Variants in MLIP observed in about 807,000 individuals in gnomAD.
MLIP encodes muscular LMNA interacting protein.
MLIP carries 79 observed loss-of-function variants against 84.8 expected under a neutral mutation model. The observed-to-expected ratio is 0.93, with a 90% CI of 0.78 to 1.12. MLIP has a LOEUF of 1.12. MLIP is among the 50% of genes most tolerant of loss of function. The probability of loss-of-function intolerance (pLI) is 0.00; values close to 1 mark genes in which losing one functional copy is unlikely to be tolerated. For synonymous variants in MLIP, 504 were observed against 463.0 expected (o/e 1.09, Z -1.14); for missense variants, 1,257 against 1,160.6 (o/e 1.08, Z -1.21).
intron 11 of MLIP, among the ~76,000 whole-genome samples, chr6:54,202,513 T>G (rs1156613130): frequency 1.3e-5 from 2 of 151,808 alleles, no homozygotes; most frequent in African/African-American, 4.8e-5. Context: ...TGGTATTGTT[T>G]TGGAGACCAA....
chr6:54,072,439 G>A (rs1766544115), intron 1 of MLIP, among the ~76,000 whole-genome samples: 1 of 152,108 alleles, frequency 6.6e-6, no homozygotes, highest in Non-Finnish European at 1.5e-5. Flanking sequence ...ACTGGGCAGT[G>A]GGCATACAAA....
intron 1 of MLIP, among the ~76,000 whole-genome samples, chr6:54,089,193 A>G (rs980284281): frequency 3.9e-5 from 6 of 152,206 alleles, no homozygotes; most frequent in Non-Finnish European, 8.8e-5. Flanking sequence ...ATTTGTAGAC[A>G]TTCTCTACAT....
chr6:54,192,460 A>T (rs1039037498), intron 10 of MLIP, among the ~76,000 whole-genome samples: 2 of 152,024 alleles, frequency 1.3e-5, no homozygotes, highest in African/African-American at 4.8e-5. Flanking sequence ...GTACTTCACT[A>T]AGGAATTAGA....
chr6:54,202,290 AT>A (rs67016420), intron 11 of MLIP, 57 bp downstream of exon 11: 788,051 of 863,090 alleles, frequency 0.91, 362,783 homozygotes, highest in Non-Finnish European at 0.95. Context: ...TATATATAAA[AT>A]ATATATAAAT....
At chr6:54,078,458 A>G (rs1033429386) in intron 1 of MLIP, among the ~76,000 whole-genome samples, 4 of 152,098 alleles carry the variant, frequency 2.6e-5, no homozygotes, top group Non-Finnish European at 5.9e-5. Flanking sequence ...GTTGTGCACA[A>G]CTGCGGTCCC....
At chr6:54,034,529 G>T (rs1764317142) in intron 1 of MLIP, among the ~76,000 whole-genome samples, 1 of 152,004 alleles carries the variant, frequency 6.6e-6, no homozygotes, top group African/African-American at 2.4e-5. Context: ...TTTTCACTTA[G>T]TTTATAATAA....
intron 1 of MLIP, among the ~76,000 whole-genome samples, chr6:54,082,688 G>A (rs1767239740): frequency 1.3e-5 from 2 of 152,164 alleles, no homozygotes; most frequent in South Asian, 4.1e-4. Context: ...AATTTGGTGG[G>A]TAGAAAATCA....
At chr6:54,054,797 A>T (rs1204072298) in intron 1 of MLIP, among the ~76,000 whole-genome samples, 4 of 152,018 alleles carry the variant, frequency 2.6e-5, no homozygotes, top group African/African-American at 9.7e-5. Flanking sequence ...ACCCTTTCCT[A>T]CCCATTTTCT....
chr6:54,081,152 C>A (rs1455842388), intron 1 of MLIP, among the ~76,000 whole-genome samples: 1 of 152,152 alleles, frequency 6.6e-6, no homozygotes, highest in Non-Finnish European at 1.5e-5. Context: ...TCATTCTGCA[C>A]CCCTCTTGTT....
intron 1 of MLIP, among the ~76,000 whole-genome samples, chr6:54,071,627 T>C (rs896299004): frequency 1.3e-5 from 2 of 152,186 alleles, no homozygotes; most frequent in African/African-American, 2.4e-5. Flanking sequence ...TCAAAGAAGT[T>C]TCAAAAATAT....
At chr6:54,172,190 C>A (rs577733035) in intron 9 of MLIP, among the ~76,000 whole-genome samples, 2 of 151,626 alleles carry the variant, frequency 1.3e-5, no homozygotes, top group African/African-American at 4.8e-5. Context: ...CTGATTACTA[C>A]ACGTTGTATG....
chr6:54,173,336 T>C (rs1370523997), intron 9 of MLIP, among the ~76,000 whole-genome samples: 1 of 151,874 alleles, frequency 6.6e-6, no homozygotes, highest in African/African-American at 2.4e-5. Flanking sequence ...TATCCATTCA[T>C]ATTTATAGCC....
intron 1 of MLIP, among the ~76,000 whole-genome samples, chr6:54,083,038 A>G (rs1470579658): frequency 6.6e-6 from 1 of 152,080 alleles, no homozygotes; most frequent in East Asian, 1.9e-4. Flanking sequence ...TTTCATTTTT[A>G]TTTCTTCAGT....
chr6:54,183,519 A>T (rs1777091402), intron 9 of MLIP, among the ~76,000 whole-genome samples: 1 of 151,918 alleles, frequency 6.6e-6, no homozygotes, highest in African/African-American at 2.4e-5. Flanking sequence ...GCTTGATCTG[A>T]TCTTTTATTT....
At chr6:54,084,709 A>AT (rs1468360770) in intron 1 of MLIP, among the ~76,000 whole-genome samples, 1 of 152,058 alleles carries the variant, frequency 6.6e-6, no homozygotes, top group African/African-American at 2.4e-5. Context: ...TTTTCATTGC[A>AT]TTTTTTAAGC....
chr6:54,256,022 G>T (rs1782983851), intron 12 of MLIP, among the ~76,000 whole-genome samples: 1 of 152,086 alleles, frequency 6.6e-6, no homozygotes, highest in Non-Finnish European at 1.5e-5. Context: ...GAGAAAGTAG[G>T]TGCTTCCAGC....
chr6:54,073,173 A>G (rs1766588049), intron 1 of MLIP, among the ~76,000 whole-genome samples: 1 of 152,070 alleles, frequency 6.6e-6, no homozygotes, highest in African/African-American at 2.4e-5. Flanking sequence ...GGAGTAGGAG[A>G]GCTGGGGGGT....
intron 13 of MLIP, among the ~76,000 whole-genome samples, chr6:54,258,380 T>A (rs535327164): frequency 3.3e-5 from 5 of 152,162 alleles, no homozygotes; most frequent in Non-Finnish European, 4.4e-5. Flanking sequence ...AGTATAAGAC[T>A]GATGTGGCTT....
chr6:54,136,021 C>G (rs995720863), intron 3 of MLIP, among the ~76,000 whole-genome samples: 1 of 152,142 alleles, frequency 6.6e-6, no homozygotes, highest in Non-Finnish European at 1.5e-5. Context: ...GAGCCTATTT[C>G]TTCCAGCATG....
Sources: gnomAD v4.1 joint callset for allele counts (sites outside exome capture counted in the v4.1 genomes callset) on GRCh38, gnomAD v4.1.1 for gene constraint, MANE v1.5 for transcripts, NCBI Gene and HGNC (gene_info 2026-07-23, HGNC 2026-07-21) for gene names.